The following UBE3C variants were observed in gnomAD, a reference collection of about 807,000 sequenced individuals.
UBE3C encodes ubiquitin-protein ligase E3C.
In UBE3C, 42 loss-of-function variants were observed where a neutral mutation model predicts 129.4. That is an observed-to-expected ratio of 0.32 (90% CI 0.25 to 0.42). The LOEUF (loss-of-function observed/expected upper bound fraction) is 0.42. Among genes scored for constraint, UBE3C ranks in the 10% least tolerant of loss-of-function variants. UBE3C has a pLI of 1.00. For synonymous variants in UBE3C, 510 were observed against 492.4 expected, an observed-to-expected ratio of 1.04 and a Z score of -0.47; for missense variants, 1,049 against 1,319.1, an observed-to-expected ratio of 0.80 and a Z score of 3.17.
chr7:157,244,186 T>C (rs1796417323), intron 18 of UBE3C, among the ~76,000 whole-genome samples: 1 of 152,038 alleles, frequency 6.6e-6, no homozygotes, highest in Non-Finnish European at 1.5e-5. Context: ...GCTGAGATCG[T>C]GCCATTCATT....
intron 17 of UBE3C, among the ~76,000 whole-genome samples, chr7:157,227,236 A>G (rs1795903149): frequency 6.6e-6 from 1 of 152,074 alleles, no homozygotes; most frequent in Admixed American, 6.6e-5. Context: ...GCCTTCCAAG[A>G]GGCAGTTCTG....
chr7:157,203,908 A>G (rs1809358095), intron 11 of UBE3C, among the ~76,000 whole-genome samples: 2 of 152,220 alleles, frequency 1.3e-5, no homozygotes, highest in African/African-American at 2.4e-5. Flanking sequence ...CTGAGGCCTC[A>G]CAGCTTAGCC....
At chr7:157,180,125 A>G (rs944342520) in intron 6 of UBE3C, among the ~76,000 whole-genome samples, 1 of 152,232 alleles carries the variant, frequency 6.6e-6, no homozygotes, top group African/African-American at 2.4e-5. Context: ...TGCCGCTTCT[A>G]GCATCTTCTG....
At chr7:157,264,818 C>T (rs1797033789) in intron 22 of UBE3C, among the ~76,000 whole-genome samples, 1 of 152,142 alleles carries the variant, frequency 6.6e-6, no homozygotes, top group Non-Finnish European at 1.5e-5. Flanking sequence ...GTGATCCACC[C>T]GTTGTGGCCT....
chr7:157,158,286 C>T (rs868583157), intron 1 of UBE3C, among the ~76,000 whole-genome samples: 7 of 151,874 alleles, frequency 4.6e-5, no homozygotes, highest in Non-Finnish European at 8.8e-5. Flanking sequence ...ATGGACTGGC[C>T]GAGAGAGGGA....
At chr7:157,139,680 T>C (rs963158177) in intron 1 of UBE3C, among the ~76,000 whole-genome samples, 1 of 152,358 alleles carries the variant, frequency 6.6e-6, no homozygotes, top group African/African-American at 2.4e-5. Context: ...CTCCCTTCCA[T>C]GCAGGAGGCC....
At chr7:157,151,375 A>G (rs1470866932) in intron 1 of UBE3C, among the ~76,000 whole-genome samples, 1 of 152,240 alleles carries the variant, frequency 6.6e-6, no homozygotes, top group Non-Finnish European at 1.5e-5. Flanking sequence ...TTGTCAACAT[A>G]CATTTTGGTG....
At chr7:157,191,778 A>G (rs11973570) in intron 10 of UBE3C, among the ~76,000 whole-genome samples, 15,569 of 152,182 alleles carry the variant, frequency 0.1, 2,166 homozygotes, top group African/African-American at 0.32. Context: ...TTTGTTTTTC[A>G]TTGTATGTGT....
At chr7:157,165,543 G>A (rs1808191053) in intron 2 of UBE3C, among the ~76,000 whole-genome samples, 1 of 151,848 alleles carries the variant, frequency 6.6e-6, no homozygotes, top group Non-Finnish European at 1.5e-5. Flanking sequence ...GACTACAGGT[G>A]CACGCCACCG....
At chr7:157,161,927 A>G (rs898647346) in intron 1 of UBE3C, among the ~76,000 whole-genome samples, 2 of 151,802 alleles carry the variant, frequency 1.3e-5, no homozygotes, top group Non-Finnish European at 2.9e-5. Flanking sequence ...CAAGTTAGCC[A>G]GGTGTGATGG....
chr7:157,214,106 A>G (rs982127285), intron 13 of UBE3C, among the ~76,000 whole-genome samples: 10 of 150,970 alleles, frequency 6.6e-5, no homozygotes, highest in Admixed American at 6.6e-4. Context: ...CTTTCTCCCC[A>G]TCTCCCTCCA....
intron 18 of UBE3C, among the ~76,000 whole-genome samples, chr7:157,242,400 T>A (rs1401457391): frequency 6.6e-6 from 1 of 152,232 alleles, no homozygotes; most frequent in Non-Finnish European, 1.5e-5. Flanking sequence ...TCTAGTCTGA[T>A]ATTTTATTCT....
intron 18 of UBE3C, among the ~76,000 whole-genome samples, chr7:157,232,750 ATTTC>A (rs1796054462): frequency 6.6e-6 from 1 of 152,176 alleles, no homozygotes; most frequent in African/African-American, 2.4e-5. Flanking sequence ...TTGTAATAAA[ATTTC>A]TTTGTCTCAT....
intron 22 of UBE3C, among the ~76,000 whole-genome samples, chr7:157,261,962 T>C (rs1285386295): frequency 2.6e-5 from 4 of 152,240 alleles, no homozygotes; most frequent in African/African-American, 7.2e-5. Context: ...TTTTTTACTT[T>C]TAAGTCTCCA....
intron 5 of UBE3C, 87 bp downstream of exon 5, chr7:157,175,121 C>A: frequency 4.8e-5 from 28 of 578,800 alleles, no homozygotes; most frequent in Non-Finnish European, 6.1e-5. Flanking sequence ...TTTTCAGAGA[C>A]AGTGGCTTTT....
chr7:157,264,464 C>T (rs1463319008), intron 22 of UBE3C, among the ~76,000 whole-genome samples: 2 of 134,292 alleles, frequency 1.5e-5, no homozygotes, highest in Non-Finnish European at 3.1e-5. Context: ...CGGCCTGTTA[C>T]ACACACACAC....
chr7:157,184,407 A>T (rs1193876314), intron 9 of UBE3C, among the ~76,000 whole-genome samples: 1 of 152,186 alleles, frequency 6.6e-6, no homozygotes, highest in East Asian at 1.9e-4. Flanking sequence ...TGCTGATTTT[A>T]TAGAGGATAA....
intron 10 of UBE3C, among the ~76,000 whole-genome samples, chr7:157,197,242 C>G (rs562541147): frequency 5.9e-5 from 9 of 152,288 alleles, no homozygotes; most frequent in African/African-American, 2.2e-4. Context: ...AATGCTGCAT[C>G]AAGAAACTTT....
intron 18 of UBE3C, among the ~76,000 whole-genome samples, chr7:157,240,738 G>A (rs539746861): frequency 5.3e-5 from 8 of 152,290 alleles, no homozygotes; most frequent in African/African-American, 1.9e-4. Context: ...GAGACCTGTG[G>A]AGTCGAGGTC....
Sources: gnomAD v4.1 joint callset for allele counts (sites outside exome capture counted in the v4.1 genomes callset) on GRCh38, gnomAD v4.1.1 for gene constraint, MANE v1.5 for transcripts, NCBI Gene and HGNC (gene_info 2026-07-23, HGNC 2026-07-21) for gene names.